The following PTPRD variants were observed in gnomAD, a reference collection of about 807,000 sequenced individuals.
PTPRD encodes protein tyrosine phosphatase receptor type D, also known as receptor-type tyrosine-protein phosphatase delta.
Under a neutral mutation model 214.5 loss-of-function variants are expected in PTPRD, and 34 were observed. The ratio of observed to expected loss-of-function variants is 0.16; its 90% CI spans 0.12 to 0.21. The LOEUF is 0.21. Ranked by LOEUF, PTPRD falls within the 10% of genes least tolerant of loss-of-function variation. The probability of loss-of-function intolerance (pLI) is 1.00; values close to 1 mark genes in which losing one functional copy is unlikely to be tolerated. For synonymous variants in PTPRD, 1,128 were observed against 845.7 expected (o/e 1.33, Z -5.79); for missense variants, 2,545 against 2,398.7 (o/e 1.06, Z -1.27).
At chr9:8,949,374 C>G (rs1053233518) in intron 11 of PTPRD, among the ~76,000 whole-genome samples, 5 of 152,004 alleles carry the variant, frequency 3.3e-5, no homozygotes, top group African/African-American at 1.2e-4. Context: ...AAATAACTTC[C>G]TTTCACTTAC....
At chr9:8,445,754 T>G (rs1402176730) in intron 34 of PTPRD, among the ~76,000 whole-genome samples, 1 of 152,176 alleles carries the variant, frequency 6.6e-6, no homozygotes, top group Non-Finnish European at 1.5e-5. Context: ...AAGTCACAAT[T>G]ACATTATGCT....
At chr9:8,948,782 G>A (rs1342545509) in intron 11 of PTPRD, among the ~76,000 whole-genome samples, 3 of 150,378 alleles carry the variant, frequency 2.0e-5, no homozygotes, top group Non-Finnish European at 4.4e-5. Flanking sequence ...AGTGACTCAA[G>A]AAACACAAAA....
intron 3 of PTPRD, among the ~76,000 whole-genome samples, chr9:10,146,237 A>ATCCT (rs1297834593): frequency 6.6e-6 from 1 of 151,384 alleles, no homozygotes; most frequent in South Asian, 2.1e-4. Flanking sequence ...CCATCCATCC[A>ATCCT]TCCATGCATA....
At chr9:8,834,963 G>A (rs994588767) in intron 11 of PTPRD, among the ~76,000 whole-genome samples, 1 of 152,194 alleles carries the variant, frequency 6.6e-6, no homozygotes, top group Non-Finnish European at 1.5e-5. Flanking sequence ...AGCATGGCTG[G>A]TGCTTTTGCC....
intron 2 of PTPRD, among the ~76,000 whole-genome samples, chr9:10,495,995 T>C (rs144650678): frequency 8.9e-4 from 135 of 151,816 alleles, no homozygotes; most frequent in Middle Eastern, 3.5e-3. Flanking sequence ...ATATGTTTTA[T>C]GAAAAGCATT....
At chr9:8,848,398 C>T (rs1026459642) in intron 11 of PTPRD, among the ~76,000 whole-genome samples, 5 of 147,434 alleles carry the variant, frequency 3.4e-5, no homozygotes, top group Admixed American at 6.9e-5. Context: ...TGCAGTGGCA[C>T]GATCCCAGCT....
At chr9:10,535,171 G>A (rs1249018015) in intron 2 of PTPRD, among the ~76,000 whole-genome samples, 2 of 151,990 alleles carry the variant, frequency 1.3e-5, no homozygotes, top group African/African-American at 4.8e-5. Context: ...AAACCCCAAG[G>A]GACCATTTAT....
chr9:9,202,570 T>G (rs1238481402), intron 9 of PTPRD, among the ~76,000 whole-genome samples: 1 of 152,146 alleles, frequency 6.6e-6, no homozygotes, highest in Non-Finnish European at 1.5e-5. Context: ...TCCTAACCCT[T>G]TTATCAGGAT....
intron 5 of PTPRD, among the ~76,000 whole-genome samples, chr9:9,870,626 G>A (rs1033912146): frequency 2.6e-5 from 4 of 151,872 alleles, no homozygotes; most frequent in Non-Finnish European, 4.4e-5. Flanking sequence ...TTTCACTGAT[G>A]TTAAATTTCT....
At chr9:9,854,134 C>G (rs1240725637) in intron 5 of PTPRD, among the ~76,000 whole-genome samples, 3 of 152,130 alleles carry the variant, frequency 2.0e-5, no homozygotes, top group South Asian at 2.1e-4. Flanking sequence ...ATTGACAGAT[C>G]TCATAAAATC....
At position 10,276,595 on chromosome 9, in the gene PTPRD, G is replaced by C. The variant is rs568087114; in HGVS notation, c.-545+64368C>G. On this transcript the variant is annotated intron_variant, in intron 3 of 45. Coordinates refer to ENST00000381196, the MANE Select transcript of PTPRD (RefSeq NM_002839.4). The stretch of plus-strand genomic sequence containing the variant: ...AATATCGAAAGTCATAGTAGATAAA[G>C]ATATGAGTTTTAAAGCCTATAAAAT... 2.0e-5 allele frequency among the ~76,000 whole-genome samples: 3 copies of C among 152,244 alleles called. No individual in the cohort carries two copies. In the South Asian group the frequency reaches 6.2e-4, roughly 32 times the overall value.
intron 2 of PTPRD, among the ~76,000 whole-genome samples, chr9:10,534,109 G>C (rs972626907): frequency 4.0e-5 from 6 of 151,624 alleles, no homozygotes; most frequent in African/African-American, 1.2e-4. Flanking sequence ...ATTTCATTAA[G>C]GGAAACCCTT....
intron 4 of PTPRD, among the ~76,000 whole-genome samples, chr9:9,942,514 T>A (rs370675476): frequency 1.3e-5 from 2 of 152,160 alleles, no homozygotes; most frequent in East Asian, 1.9e-4. Context: ...TCTATAAGTA[T>A]GTGTAGGAAG....
At position 10,136,387 on chromosome 9, in the gene PTPRD, T is replaced by C. The variant is rs150903742; in HGVS notation, c.-544-102597A>G. Among the ~76,000 whole-genome samples, 1,167 of 152,140 alleles carry C rather than the reference T, an allele frequency of 7.7e-3. 14 individuals are homozygous for C. The highest frequency in any genetic ancestry group is 0.026 in the African/African-American group (1,062 of 41,512). On this transcript the variant is annotated intron_variant, in intron 3 of 45. Coordinates refer to ENST00000381196, the MANE Select transcript of PTPRD (RefSeq NM_002839.4). ...TCGACACTTGACGAATTGTTCCTAATAGATATTTACAGAATACTCAACCTA... is the reference window on the plus strand; with the variant it reads ...TCGACACTTGACGAATTGTTCCTAACAGATATTTACAGAATACTCAACCTA...
intron 5 of PTPRD, among the ~76,000 whole-genome samples, chr9:9,770,293 T>C (rs537663027): frequency 1.4e-4 from 21 of 152,328 alleles, no homozygotes; most frequent in South Asian, 6.2e-4. Context: ...TTTTTAATGA[T>C]TGCCATTCTT....
At chr9:9,682,200 C>T (rs914227960) in intron 7 of PTPRD, among the ~76,000 whole-genome samples, 1 of 151,750 alleles carries the variant, frequency 6.6e-6, no homozygotes, top group Admixed American at 6.6e-5. Flanking sequence ...GAAGTCTGCA[C>T]TAGCTTGAAG....
chr9:9,753,041 T>C (rs1313538449), intron 6 of PTPRD, among the ~76,000 whole-genome samples: 1 of 152,132 alleles, frequency 6.6e-6, no homozygotes, highest in Non-Finnish European at 1.5e-5. Context: ...TCTGGTGTGC[T>C]CTGCTTTTAA....
chr9:8,337,529 C>T (rs945209627), intron 43 of PTPRD, among the ~76,000 whole-genome samples: 4 of 151,982 alleles, frequency 2.6e-5, no homozygotes, highest in South Asian at 2.1e-4. Context: ...ACCAAACCAC[C>T]GTGGCACATG....
rs1221542642 is a variant in PTPRD at position 8,341,848 on chromosome 9, T to C, written c.4792A>G (p.Thr1598Ala). 6.2e-7 allele frequency: 1 copy of C among 1,613,452 alleles called. No individual in the cohort carries two copies. Among genetic ancestry groups the C allele is most frequent in the East Asian group, 2.2e-5 (1 of 44,844 alleles). ...MRAQRNYMVQ[T>A]EDQYIFIHDA... Reference sequence around the variant, plus strand: ...TGGATAAAGATGTATTGGTCTTCTGTTTGAACCATATAGTTCCTCTGGGCT... The same window carrying C: ...TGGATAAAGATGTATTGGTCTTCTGCTTGAACCATATAGTTCCTCTGGGCT... The change falls in exon 40 of 46, where the codon ACA becomes GCA. Residue 1598 changes from threonine (T) to alanine (A), a missense_variant. Physicochemically the swap from Thr to Ala is moderately conservative, Grantham distance 58. Transcript: ENST00000381196.
Sources: allele counts gnomAD v4.1 joint callset (sites outside exome capture counted in the v4.1 genomes callset), GRCh38; gene constraint gnomAD v4.1.1; transcripts MANE v1.5; gene names NCBI Gene and HGNC (gene_info 2026-07-23, HGNC 2026-07-21).